The following NUDT6 variants were observed in gnomAD, a reference collection of about 807,000 sequenced individuals.
The protein encoded by NUDT6 is FAD diphosphatase NUDT6.
NUDT6 carries 24 observed loss-of-function variants against 36.8 expected under a neutral mutation model. The observed-to-expected ratio is 0.65, with a 90% CI of 0.47 to 0.92. The LOEUF (loss-of-function observed/expected upper bound fraction) is 0.92, where lower values mean the gene tolerates loss of function less well. NUDT6 is among the 40% of genes least tolerant of loss of function. The pLI is 0.00. For synonymous variants in NUDT6, 163 were observed against 157.0 expected, an observed-to-expected ratio of 1.04 and a Z score of -0.29; for missense variants, 388 against 392.8, an observed-to-expected ratio of 0.99 and a Z score of 0.10.
chr4:122,894,447 G>C (rs1452807346), intron 4 of NUDT6: 1 of 152,232 alleles, frequency 6.6e-6, no homozygotes, highest in Admixed American at 6.5e-5. Flanking sequence ...GCCAGGCATG[G>C]TGGCGTGTAC....
chr4:122,922,022 A>T, intron 1 of NUDT6: 1 of 336,176 alleles, frequency 3.0e-6, no homozygotes, highest in East Asian at 4.6e-5. Flanking sequence ...AGTTCTTATC[A>T]CCGGGGTCTG....
intron 3 of NUDT6, among the ~76,000 whole-genome samples, chr4:122,905,289 A>G (rs539553143): frequency 3.9e-5 from 6 of 152,318 alleles, no homozygotes; most frequent in East Asian, 1.9e-4. Context: ...CATTCACTAT[A>G]TGCTAAATGG....
Position 122,892,878 on chromosome 4 carries a change from A to G in NUDT6, c.901T>C (p.Tyr301His), listed in dbSNP as rs566701149. The change falls in exon 5 of 5, where the codon TAT becomes CAT. Residue 301 changes from tyrosine to histidine, a missense_variant. Tyr to His is a moderately conservative substitution (Grantham distance 83). Coordinates refer to ENST00000304430, the MANE Select transcript of NUDT6 (RefSeq NM_007083.5). The stretch of plus-strand genomic sequence containing the variant: ...TAATTCTCTGGCAGTTCCTTATGAT[A>G]GAGTTTATAAAACAGTCCTGTGTAA... The part of the protein sequence containing the change: ...AVYTGLFYKL[Y>H]HKELPENYKT... 1.2e-6 allele frequency: 2 copies of G among 1,611,976 alleles called. No homozygotes were observed. The highest frequency in any genetic ancestry group is 2.2e-5 in the East Asian group (1 of 44,878).
intron 1 of NUDT6, chr4:122,920,482 T>G (rs943181557): frequency 6.6e-6 from 1 of 152,258 alleles, no homozygotes; most frequent in East Asian, 1.9e-4. Flanking sequence ...AGTTTACAAA[T>G]TAGTTTCATC....
At chr4:122,908,292 A>G (rs1727664577) in intron 3 of NUDT6, among the ~76,000 whole-genome samples, 1 of 152,240 alleles carries the variant, frequency 6.6e-6, no homozygotes, top group South Asian at 2.1e-4. Flanking sequence ...GCCATGCCAG[A>G]CAAGGGTTAA....
At position 122,893,199 on chromosome 4, in the gene NUDT6, CA is replaced by C. The variant is rs754662853; in HGVS notation, c.579del (p.Phe193LeufsTer6). The C allele has an allele frequency of 1.9e-6, 3 of 1,608,890 alleles. No homozygotes were observed. The highest frequency in any genetic ancestry group is 2.5e-6 in the Non-Finnish European group (3 of 1,176,924). ...AATTCTGATTTTATACCAGTCTCTT[CA>C]AAAACTTCTCGAACCGCTGTGTCTC... The part of the protein sequence containing the change: ...DIGDTAVREV[F>X]EETGIKSEFR... On this transcript the variant is annotated frameshift_variant, in exon 5 of 5. Coordinates refer to ENST00000304430, the MANE Select transcript of NUDT6 (RefSeq NM_007083.5). LOFTEE classifies it high-confidence loss of function.
At chr4:122,897,593 T>A in intron 4 of NUDT6, 31 bp downstream of exon 4, 8 of 1,464,272 alleles carry the variant, frequency 5.5e-6, no homozygotes, top group Non-Finnish European at 7.7e-6. Flanking sequence ...TCAACATTTT[T>A]AAGCCAATTA....
chr4:122,918,472 T>A (rs1560775177), intron 1 of NUDT6: 1 of 152,232 alleles, frequency 6.6e-6, no homozygotes, highest in Non-Finnish European at 1.5e-5. Context: ...AGTTTATGGG[T>A]GAAGAAATAA....
At chr4:122,912,287 A>G (rs530851103) in intron 3 of NUDT6, among the ~76,000 whole-genome samples, 1 of 152,200 alleles carries the variant, frequency 6.6e-6, no homozygotes, top group South Asian at 2.1e-4. Context: ...TCTTGGTAAT[A>G]TATTAAAGCA....
chr4:122,893,312 T>C (rs1475887428), intron 4 of NUDT6, 87 bp from the exon 5 acceptor site: 6 of 1,304,466 alleles, frequency 4.6e-6, no homozygotes, highest in African/African-American at 1.5e-5. Flanking sequence ...AGTAGCATTA[T>C]GTAAAGGCTC....
rs758677840 is a variant in NUDT6 at position 122,892,971 on chromosome 4, G to T, written c.808C>A (p.Leu270Met). ...TTPITSRVAR[L>M]LLYGYREGFD... ...CCTTCTCTGTACCCATACAGCAGCAGCCTAGCAACTCTGCTGGTGATGGGA... is the reference window on the plus strand; with the variant it reads ...CCTTCTCTGTACCCATACAGCAGCATCCTAGCAACTCTGCTGGTGATGGGA... The change falls in exon 5 of 5, where the codon CTG (leucine) becomes ATG (methionine). Residue 270 changes from leucine (L) to methionine (M), a missense_variant. Leu to Met is a conservative substitution (Grantham distance 15). Transcript: ENST00000304430. 1.9e-6 allele frequency: 3 copies of T among 1,614,150 alleles called. No homozygotes were observed. The South Asian group carries it at 3.3e-5, about 18-fold the overall frequency.
At chr4:122,902,950 A>C (rs1490557044) in intron 3 of NUDT6, among the ~76,000 whole-genome samples, 2 of 152,200 alleles carry the variant, frequency 1.3e-5, no homozygotes, top group Non-Finnish European at 2.9e-5. Context: ...ACTGGCTTGG[A>C]TATCTGAAAA....
intron 3 of NUDT6, chr4:122,898,022 A>G (rs111907732): frequency 1.5e-5 from 3 of 203,116 alleles, no homozygotes; most frequent in African/African-American, 7.0e-5. Flanking sequence ...GAACAGATAG[A>G]AGAATCTTAC....
intron 3 of NUDT6, among the ~76,000 whole-genome samples, chr4:122,903,893 T>C (rs537166733): frequency 3.9e-5 from 6 of 152,310 alleles, no homozygotes; most frequent in African/African-American, 1.4e-4. Context: ...AGCTGATGCC[T>C]CATTCTCAGA....
At chr4:122,921,758 A>T (rs1728019909) in intron 1 of NUDT6, 2 of 152,188 alleles carry the variant, frequency 1.3e-5, no homozygotes, top group African/African-American at 4.8e-5. Context: ...ATAAACATAC[A>T]CACCTACTAT....
chr4:122,921,913 T>C lies in NUDT6; in HGVS notation c.238+422A>G, dbSNP rs28705809. The C allele has an allele frequency of 3.3e-3, 533 of 162,450 alleles. 2 individuals carry two copies. The highest frequency in any genetic ancestry group is 0.012 in the African/African-American group (511 of 42,084). 10.1% of individuals were successfully genotyped at this position (162,450 alleles called of 1,614,324 possible). On this transcript the variant is annotated intron_variant, in intron 1 of 4. Transcript: ENST00000304430. ...GTAAAGGATACTAATAATGTAATAA[T>C]ATAATATTAACAAACATCTACTGAG...
chr4:122,893,248 A>T, intron 4 of NUDT6, 23 bp from the exon 5 acceptor site: 3 of 1,557,030 alleles, frequency 1.9e-6, no homozygotes, highest in Non-Finnish European at 2.6e-6. Context: ...AGAGATGTAC[A>T]AATCAATAAT....
At chr4:122,908,037 G>A (rs1164097969) in intron 3 of NUDT6, among the ~76,000 whole-genome samples, 1 of 146,492 alleles carries the variant, frequency 6.8e-6, no homozygotes, top group East Asian at 1.9e-4. Context: ...CTCCTACTGT[G>A]AATTGTAACT....
Position 122,901,440 on chromosome 4 carries a change from C to G in NUDT6, c.499-3762G>C, listed in dbSNP as rs148281785. Among the ~76,000 whole-genome samples the G allele has an allele frequency of 6.4e-4, 98 of 152,240 alleles. 1 individual carries two copies. In the East Asian group the frequency reaches 0.016, roughly 25 times the overall value. Reference sequence around the variant, plus strand: ...TCCTATACATTTGCCAATTACAAGTCTGATGTTCTTTGTGTGTGTGTAGCA... The same window carrying G: ...TCCTATACATTTGCCAATTACAAGTGTGATGTTCTTTGTGTGTGTGTAGCA... On this transcript the variant is annotated intron_variant, in intron 3 of 4. Coordinates refer to ENST00000304430, the MANE Select transcript of NUDT6 (RefSeq NM_007083.5).
Sources: gnomAD v4.1 joint callset for allele counts (sites outside exome capture counted in the v4.1 genomes callset) on GRCh38, gnomAD v4.1.1 for gene constraint, MANE v1.5 for transcripts, NCBI Gene and HGNC (gene_info 2026-07-23, HGNC 2026-07-21) for gene names.